Variants in PDE9A observed in about 807,000 individuals in gnomAD.
PDE9A encodes the protein high affinity cGMP-specific 3',5'-cyclic phosphodiesterase 9A.
PDE9A carries 60 observed loss-of-function variants against 87.4 expected under a neutral mutation model. That is an observed-to-expected ratio of 0.69 (90% CI 0.56 to 0.85). The LOEUF (loss-of-function observed/expected upper bound fraction) is 0.85. PDE9A is among the 40% of genes least tolerant of loss of function. PDE9A has a pLI of 0.00. For missense variants in PDE9A, 665 were observed against 779.0 expected (o/e 0.85, Z 1.74); for synonymous variants, 272 against 279.4 (o/e 0.97, Z 0.27).
At chr21:42,738,219 G>A (rs1435412472) in intron 7 of PDE9A, among the ~76,000 whole-genome samples, 1 of 152,200 alleles carries the variant, frequency 6.6e-6, no homozygotes, top group African/African-American at 2.4e-5. Flanking sequence ...ACCGGCTGGG[G>A]CAAAGTTTAA....
intron 1 of PDE9A, among the ~76,000 whole-genome samples, chr21:42,654,986 C>T (rs1434750886): frequency 6.6e-6 from 1 of 152,160 alleles, no homozygotes; most frequent in Non-Finnish European, 1.5e-5. Context: ...ACAACTAGAC[C>T]CAGGTCCCTG....
chr21:42,674,736 C>G (rs533360836), intron 1 of PDE9A, among the ~76,000 whole-genome samples: 20 of 152,362 alleles, frequency 1.3e-4, no homozygotes, highest in Admixed American at 3.9e-4. Flanking sequence ...CAGACACACA[C>G]TCTTTACATG....
intron 10 of PDE9A, chr21:42,757,266 C>A (rs1240109449): frequency 6.6e-6 from 1 of 152,254 alleles, no homozygotes; most frequent in East Asian, 1.9e-4. Context: ...AGGACGTTTC[C>A]CAGGTGACAT....
At chr21:42,766,280 G>A (rs964885588) in intron 15 of PDE9A, among the ~76,000 whole-genome samples, 1 of 152,174 alleles carries the variant, frequency 6.6e-6, no homozygotes, top group Non-Finnish European at 1.5e-5. Context: ...AGCCATGGTC[G>A]TTCCACTGCA....
Position 42,761,445 on chromosome 21 carries a change from C to T in PDE9A, c.1085+538C>T, listed in dbSNP as rs549763144. Among the ~76,000 whole-genome samples, 20 of 152,368 alleles carry T rather than the reference C, an allele frequency of 1.3e-4. No homozygotes were observed. In the East Asian group the frequency reaches 2.3e-3, roughly 18 times the overall value. On this transcript the variant is annotated intron_variant, in intron 13 of 19. Transcript: ENST00000291539. ...GGACAGACCGTTGCTCCACTCCTGC[C>T]TCCACAGGCACAGAGTTCCGCCCCA...
intron 1 of PDE9A, among the ~76,000 whole-genome samples, chr21:42,679,245 G>A (rs374259405): frequency 4.8e-4 from 73 of 152,170 alleles, no homozygotes; most frequent in Non-Finnish European, 7.9e-4. Context: ...CTGGCATCGA[G>A]TCTGTGTCCT....
At chr21:42,766,184 T>G (rs2056380890) in intron 15 of PDE9A, among the ~76,000 whole-genome samples, 1 of 151,592 alleles carries the variant, frequency 6.6e-6, no homozygotes, top group African/African-American at 2.4e-5. Flanking sequence ...GAAAGAAAAA[T>G]AAAAAAATCA....
intron 14 of PDE9A, 57 bp downstream of exon 14, chr21:42,762,296 C>T (rs2147117106): frequency 6.5e-7 from 1 of 1,548,832 alleles, no homozygotes; most frequent in South Asian, 1.2e-5. Context: ...GACAGAGCAG[C>T]CCCCACTCTC....
chr21:42,668,598 A>G (rs1455253988), intron 1 of PDE9A, among the ~76,000 whole-genome samples: 1 of 150,592 alleles, frequency 6.6e-6, no homozygotes, highest in Non-Finnish European at 1.5e-5. Context: ...GTGATCCATT[A>G]TTTATAACAG....
At chr21:42,679,725 C>A (rs137937055) in intron 1 of PDE9A, among the ~76,000 whole-genome samples, 2 of 152,240 alleles carry the variant, frequency 1.3e-5, no homozygotes, top group East Asian at 3.9e-4. Context: ...AGAGTCAAAT[C>A]CAGGAAAATG....
chr21:42,691,712 TCTTCACCATCACTATCACCAGGCC>T, intron 3 of PDE9A, among the ~76,000 whole-genome samples: 1 of 119,700 alleles, frequency 8.4e-6, no homozygotes, highest in Admixed American at 8.4e-5. Context: ...GTCACCAGCC[TCTTCACCATCACTATCACCAGGCC>T]CTTCACCATC....
At chr21:42,703,737 G>A (rs1254254658) in intron 4 of PDE9A, among the ~76,000 whole-genome samples, 3 of 152,210 alleles carry the variant, frequency 2.0e-5, no homozygotes, top group Admixed American at 6.5e-5. Flanking sequence ...TGGGCTGTGC[G>A]GGCACCCAGT....
At position 42,759,146 on chromosome 21, in the gene PDE9A, A is replaced by T. The variant is rs778317128; in HGVS notation, c.897+61A>T. The T allele has an allele frequency of 8.5e-6, 10 of 1,179,752 alleles. No individual in the cohort carries two copies. Among genetic ancestry groups the T allele is most frequent in the Non-Finnish European group, 1.0e-5 (8 of 789,954 alleles). The allele number at this position is 1,179,752 out of a possible 1,614,324, so 73.1% of individuals were successfully genotyped here. A position where few individuals can be genotyped will look rare whatever the true frequency, so the allele number is the denominator to read the frequency against. The stretch of plus-strand genomic sequence containing the variant: ...ACGTGGTTTCATCCAGTTCCACAGG[A>T]ATGGAGGGAATGGATCACCAGGGCA... On this transcript the variant is annotated intron_variant, in intron 11 of 19. Transcript: ENST00000291539. This position sits in a 1 kb window ranked among gnomAD's most constrained non-coding sequence, Gnocchi z 7.2.
chr21:42,740,610 GATGGATGGATGGATGA>G (rs1268574372), intron 7 of PDE9A, among the ~76,000 whole-genome samples: 150 of 107,398 alleles, frequency 1.4e-3, no homozygotes, highest in African/African-American at 4.2e-3. Flanking sequence ...TGGATGGATG[GATGGATGGATGGATGA>G]ATGGATACAT....
At chr21:42,770,611 TC>T in intron 17 of PDE9A, 91 bp from the exon 18 acceptor site, 1 of 940,110 alleles carries the variant, frequency 1.1e-6, no homozygotes, top group Non-Finnish European at 1.7e-6. Flanking sequence ...CCCAGAGGTT[TC>T]CGCACGGAGC....
intron 3 of PDE9A, among the ~76,000 whole-genome samples, chr21:42,698,507 G>GGGT (rs1569165859): frequency 1.3e-5 from 2 of 152,104 alleles, no homozygotes; most frequent in African/African-American, 4.8e-5. Flanking sequence ...GGGGGGAGGG[G>GGGT]GGTTGACATC....
At chr21:42,766,410 A>G (rs1342374366) in intron 15 of PDE9A, among the ~76,000 whole-genome samples, 1 of 152,146 alleles carries the variant, frequency 6.6e-6, no homozygotes, top group African/African-American at 2.4e-5. Flanking sequence ...TTGTCTAAGC[A>G]TCAGGTGCAC....
In PDE9A at chr21:42,677,926, A is replaced by G. The variant is rs374969002; in HGVS notation, c.70-8266A>G. Among the ~76,000 whole-genome samples the G allele has an allele frequency of 3.2e-4, 49 of 152,304 alleles. No homozygotes were observed. In the East Asian group the frequency reaches 5.0e-3, roughly 16 times the overall value. ...CCAAAGAGCTAGGATCACAGGCGTG[A>G]GCCACTGAGCCCAGCCTAGTTATCT... On this transcript the variant is annotated intron_variant, in intron 1 of 19. Coordinates refer to ENST00000291539, the MANE Select transcript of PDE9A (RefSeq NM_002606.3).
At chr21:42,669,088 C>T (rs1342080460) in intron 1 of PDE9A, among the ~76,000 whole-genome samples, 2 of 152,156 alleles carry the variant, frequency 1.3e-5, no homozygotes, top group Non-Finnish European at 2.9e-5. Flanking sequence ...GATTCCACCC[C>T]TCTTAGAACA....
Sources: allele counts gnomAD v4.1 joint callset (sites outside exome capture counted in the v4.1 genomes callset), GRCh38; gene constraint gnomAD v4.1.1; non-coding constraint Gnocchi (gnomAD v3.1); transcripts MANE v1.5; gene names NCBI Gene and HGNC (gene_info 2026-07-23, HGNC 2026-07-21).